PAPPA2: variants seen among roughly 807,000 people sequenced by gnomAD.
PAPPA2 encodes the protein pappalysin 2, also known as pappalysin-2.
PAPPA2 carries 86 observed loss-of-function variants against 176.4 expected under a neutral mutation model. That is an observed-to-expected ratio of 0.49 (90% CI 0.41 to 0.58). PAPPA2 has a LOEUF of 0.58. Ranked by LOEUF, PAPPA2 falls within the 20% of genes least tolerant of loss-of-function variation. The probability of loss-of-function intolerance (pLI) is 0.00; values close to 1 mark genes in which losing one functional copy is unlikely to be tolerated. For missense variants in PAPPA2, 2,073 were observed against 2,256.9 expected (o/e 0.92, Z 1.65); for synonymous variants, 809 against 852.2 (o/e 0.95, Z 0.88).
intron 3 of PAPPA2, among the ~76,000 whole-genome samples, chr1:176,644,714 G>A (rs1462988410): frequency 6.6e-6 from 1 of 151,804 alleles, no homozygotes; most frequent in African/African-American, 2.4e-5. Flanking sequence ...TACAGAATGT[G>A]CTAAGAGGGT....
At chr1:176,525,401 G>C (rs6663199) in intron 1 of PAPPA2, among the ~76,000 whole-genome samples, 5 of 151,978 alleles carry the variant, frequency 3.3e-5, no homozygotes, top group Admixed American at 1.3e-4. Flanking sequence ...GATATAATGT[G>C]ATACATTAGG....
intron 1 of PAPPA2, among the ~76,000 whole-genome samples, chr1:176,518,682 A>C (rs116172364): frequency 4.8e-4 from 73 of 152,330 alleles, no homozygotes; most frequent in African/African-American, 1.7e-3. Flanking sequence ...CATATTCCTG[A>C]ACATGAGCCC....
intron 4 of PAPPA2, among the ~76,000 whole-genome samples, chr1:176,679,542 A>G (rs888284591): frequency 1.3e-5 from 2 of 152,226 alleles, no homozygotes; most frequent in Non-Finnish European, 2.9e-5. Flanking sequence ...AAGCAATTCA[A>G]TAAGCATAGG....
chr1:176,818,215 G>A (rs35075425), intron 21 of PAPPA2, among the ~76,000 whole-genome samples: 18,685 of 152,150 alleles, frequency 0.12, 1,512 homozygotes, highest in Middle Eastern at 0.23. Flanking sequence ...GAAGAGACTG[G>A]AACATGTTTA....
intron 17 of PAPPA2, among the ~76,000 whole-genome samples, chr1:176,777,855 A>G (rs896763494): frequency 2.6e-5 from 4 of 152,008 alleles, no homozygotes. Flanking sequence ...TACCATCATC[A>G]TCATCACCAT....
At chr1:176,828,247 A>C (rs1465621107) in intron 21 of PAPPA2, among the ~76,000 whole-genome samples, 1 of 152,128 alleles carries the variant, frequency 6.6e-6, no homozygotes, top group African/African-American at 2.4e-5. Context: ...TGGTCATAAT[A>C]ATGGGCCCAA....
intron 1 of PAPPA2, among the ~76,000 whole-genome samples, chr1:176,479,878 A>T (rs1385612327): frequency 6.6e-6 from 1 of 152,244 alleles, no homozygotes; most frequent in Admixed American, 6.5e-5. Flanking sequence ...TATTCCCCAC[A>T]TTTATAGCAC....
chr1:176,732,964 C>G (rs1662231022), intron 12 of PAPPA2, among the ~76,000 whole-genome samples: 1 of 152,124 alleles, frequency 6.6e-6, no homozygotes, highest in South Asian at 2.1e-4. Flanking sequence ...AGCTCCACCT[C>G]TTGTCAGATC....
At chr1:176,643,708 G>C (rs1657228797) in intron 3 of PAPPA2, among the ~76,000 whole-genome samples, 1 of 151,808 alleles carries the variant, frequency 6.6e-6, no homozygotes. Context: ...GGTAAACACA[G>C]GGAGACCACA....
intron 1 of PAPPA2, among the ~76,000 whole-genome samples, chr1:176,521,870 C>A (rs1368659831): frequency 6.6e-6 from 1 of 152,122 alleles, no homozygotes; most frequent in Non-Finnish European, 1.5e-5. Flanking sequence ...ATTTAGAGTG[C>A]ACAATAATGA....
chr1:176,666,561 ATGTGTGTGTGTGTG>A (rs139660279), intron 3 of PAPPA2, among the ~76,000 whole-genome samples: 5,505 of 109,532 alleles, frequency 0.05, 163 homozygotes, highest in East Asian at 0.067. Flanking sequence ...GTAAATATAT[ATGTGTGTGTGTGTG>A]TGTGTGTGTG....
In PAPPA2 at chr1:176,668,992, A is replaced by G. The variant is rs531967684; in HGVS notation, c.1992-1978A>G. Among the ~76,000 whole-genome samples the G allele has an allele frequency of 3.3e-5, 5 of 152,264 alleles. No individual in the cohort carries two copies. The South Asian group carries it at 1.0e-3, about 32-fold the overall frequency. On this transcript the variant is annotated intron_variant, in intron 3 of 22. Coordinates refer to ENST00000367662, the MANE Select transcript of PAPPA2 (RefSeq NM_020318.3). ...GAGGAGGCCCCTCGGAGGGTGCTCA[A>G]GATAAATTAGTGGAACTGGTGGGTT... is the stretch of plus-strand genomic sequence containing the variant.
chr1:176,761,876 T>C (rs764124831), intron 14 of PAPPA2, among the ~76,000 whole-genome samples: 29 of 152,258 alleles, frequency 1.9e-4, no homozygotes, highest in Non-Finnish European at 7.3e-5. Context: ...CCACTTTCAG[T>C]AAGGTTTGTC....
At chr1:176,806,969 C>T (rs1385017333) in intron 21 of PAPPA2, among the ~76,000 whole-genome samples, 8 of 152,130 alleles carry the variant, frequency 5.3e-5, no homozygotes, top group Non-Finnish European at 1.5e-5. Flanking sequence ...TTAGTACTTC[C>T]TTCCTTGACT....
At chr1:176,586,282 T>G (rs926676789) in intron 2 of PAPPA2, among the ~76,000 whole-genome samples, 3 of 152,242 alleles carry the variant, frequency 2.0e-5, no homozygotes, top group African/African-American at 7.2e-5. Context: ...ACAATTCTAT[T>G]TTTTTGGCAG....
rs967982572 is a variant in PAPPA2 at position 176,582,538 on chromosome 1, C to T, written c.920-11986C>T. ...AAAGGATGTTGAATTTTATTAAATGCTTTTTCCATAATATATTCGCTGAAA... is the reference window on the plus strand; with the variant it reads ...AAAGGATGTTGAATTTTATTAAATGTTTTTTCCATAATATATTCGCTGAAA... On this transcript the variant is annotated intron_variant, in intron 2 of 22. Transcript: ENST00000367662. Among the ~76,000 whole-genome samples the T allele has an allele frequency of 3.9e-5, 6 of 152,142 alleles. No individual in the cohort carries two copies. In the East Asian group the frequency reaches 1.2e-3, roughly 29 times the overall value.
intron 13 of PAPPA2, 52 bp downstream of exon 13, chr1:176,739,813 C>T (rs1251958640): frequency 7.5e-6 from 12 of 1,598,814 alleles, no homozygotes; most frequent in Non-Finnish European, 1.0e-5. Flanking sequence ...CCCGGTAGAC[C>T]CAGAAGTCAG....
intron 16 of PAPPA2, 88 bp from the exon 17 acceptor site, chr1:176,770,879 A>G: frequency 2.4e-6 from 3 of 1,244,658 alleles, no homozygotes; most frequent in Non-Finnish European, 3.5e-6. Context: ...AGGCACCAGT[A>G]AGTTCAGAGG....
At chr1:176,727,206 T>C (rs1308630936) in intron 12 of PAPPA2, among the ~76,000 whole-genome samples, 1 of 152,140 alleles carries the variant, frequency 6.6e-6, no homozygotes, top group Non-Finnish European at 1.5e-5. Context: ...ACCAAGATGG[T>C]AGACTTAAAC....
Sources: gnomAD v4.1 joint callset for allele counts (sites outside exome capture counted in the v4.1 genomes callset) on GRCh38, gnomAD v4.1.1 for gene constraint, MANE v1.5 for transcripts, NCBI Gene and HGNC (gene_info 2026-07-23, HGNC 2026-07-21) for gene names.